The following LIMS2 variants were observed in gnomAD, a reference collection of about 807,000 sequenced individuals.
The protein encoded by LIMS2 is LIM and senescent cell antigen-like-containing domain protein 2.
A neutral mutation model predicts 45.3 loss-of-function variants in LIMS2; 30 were observed. The observed-to-expected ratio is 0.66, with a 90% CI of 0.50 to 0.90. LIMS2 has a LOEUF of 0.90. Among genes scored for constraint, LIMS2 ranks in the 40% least tolerant of loss-of-function variants. LIMS2 has a pLI of 0.00. For missense variants in LIMS2, 485 were observed against 468.7 expected, an observed-to-expected ratio of 1.03 and a Z score of -0.32; for synonymous variants, 173 against 188.0, an observed-to-expected ratio of 0.92 and a Z score of 0.65.
chr2:127,662,958 A>T (rs1684774858), intron 1 of LIMS2, among the ~76,000 whole-genome samples: 2 of 152,206 alleles, frequency 1.3e-5, no homozygotes, highest in African/African-American at 4.8e-5. Context: ...CTTTTCTTTT[A>T]AGCAGGTACA....
chr2:127,679,232 G>T (rs961929820), upstream of LIMS2, among the ~76,000 whole-genome samples: 5 of 152,154 alleles, frequency 3.3e-5, no homozygotes, highest in Admixed American at 6.5e-5. This position sits in a 1 kb window ranked among gnomAD's most constrained non-coding sequence, Gnocchi z 5.3. Flanking sequence ...CCTCCCTGGG[G>T]TCTGTGTAGA....
chr2:127,679,757 G>C (rs6722130), upstream of LIMS2, among the ~76,000 whole-genome samples: 11 of 152,192 alleles, frequency 7.2e-5, no homozygotes, highest in African/African-American at 2.6e-4. This position sits in a 1 kb window ranked among gnomAD's most constrained non-coding sequence, Gnocchi z 5.3. Flanking sequence ...GGAGAACCCG[G>C]GGTCTCAAAG....
In LIMS2 at chr2:127,649,959, CCTGATACCCAGGCA is replaced by C. The variant is rs1260806937; in HGVS notation, c.359+4451_359+4464del. The C allele has an allele frequency of 4.1e-6, 6 of 1,478,258 alleles. No individual in the cohort carries two copies. In the African/African-American group the frequency reaches 7.0e-5, roughly 17 times the overall value. 91.6% of individuals were successfully genotyped at this position (1,478,258 alleles called of 1,614,324 possible). ...TGGGAGAGAAAATACTCCCAGCTGG[CCTGATACCCAGGCA>C]CAGGCTTCTCCTAAACACAGGTCTC... On this transcript the variant is annotated intron_variant, in intron 4 of 9. Transcript: ENST00000355119.
chr2:127,675,664 G>A (rs551556213), upstream of LIMS2, among the ~76,000 whole-genome samples: 98 of 152,256 alleles, frequency 6.4e-4, no homozygotes, highest in African/African-American at 2.2e-3. Context: ...CGCCCCAACC[G>A]CAAACGCGTG....
intron 4 of LIMS2, chr2:127,651,072 C>T: frequency 6.2e-7 from 1 of 1,613,794 alleles, no homozygotes; most frequent in Non-Finnish European, 8.5e-7. Context: ...CCTCTTCTAC[C>T]TCAACATGTA....
chr2:127,647,915 A>G lies in LIMS2; in HGVS notation c.360-4843T>C. The G allele has an allele frequency of 1.6e-6, 1 of 643,338 alleles. No homozygotes were observed. The highest frequency in any genetic ancestry group is 1.9e-6 in the Non-Finnish European group (1 of 516,958). The allele number at this position is 643,338 out of a possible 1,614,324, so 39.9% of individuals were successfully genotyped here. A position where few individuals can be genotyped will look rare whatever the true frequency, so the allele number is the denominator to read the frequency against. On this transcript the variant is annotated intron_variant, in intron 4 of 9. Coordinates refer to ENST00000355119, the MANE Select transcript of LIMS2 (RefSeq NM_001161403.3). The surrounding 1 kb of genome is among the most constrained non-coding windows in gnomAD (Gnocchi z 4.3). The stretch of plus-strand genomic sequence containing the variant: ...TGCTCCCTGTTCTCCCCTGCCTCAC[A>G]GGCCCTGTCAAGGGCTGTGTTCCTC...
At position 127,656,659 on chromosome 2, in the gene LIMS2, T is replaced by C. The variant is rs189188754; in HGVS notation, c.171+744A>G. Among the ~76,000 whole-genome samples the C allele has an allele frequency of 9.2e-5, 14 of 152,200 alleles. No homozygotes were observed. In the East Asian group the frequency reaches 2.3e-3, roughly 25 times the overall value. On this transcript the variant is annotated intron_variant, in intron 2 of 9. Coordinates refer to ENST00000355119, the MANE Select transcript of LIMS2 (RefSeq NM_001161403.3). ...TGAACTCCTGACCTCAGGTGATCCA[T>C]CTGCCTCCGCCTCCCAAAGTGCTGG...
chr2:127,668,709 A>AAAC, intron 1 of LIMS2, among the ~76,000 whole-genome samples: 1 of 133,398 alleles, frequency 7.5e-6, no homozygotes, highest in African/African-American at 3.1e-5. Flanking sequence ...AAAAAAAAAA[A>AAAC]AACACCTTAC....
chr2:127,660,304 C>T (rs1349155213), intron 1 of LIMS2, among the ~76,000 whole-genome samples: 1 of 152,222 alleles, frequency 6.6e-6, no homozygotes, highest in Non-Finnish European at 1.5e-5. Context: ...CTCGAACCCA[C>T]AGCAGCAACC....
At chr2:127,677,556 G>A (rs562542196), upstream of LIMS2, among the ~76,000 whole-genome samples, 10 of 152,240 alleles carry the variant, frequency 6.6e-5, no homozygotes, top group East Asian at 1.4e-3. The surrounding 1 kb of genome is among the most constrained non-coding windows in gnomAD (Gnocchi z 5.0). Flanking sequence ...CTTGGGGTAC[G>A]CAAGGTCAGA....
At chr2:127,679,850 C>A (rs1685578886), upstream of LIMS2, among the ~76,000 whole-genome samples, 2 of 152,208 alleles carry the variant, frequency 1.3e-5, no homozygotes, top group South Asian at 4.1e-4. The surrounding 1 kb of genome is among the most constrained non-coding windows in gnomAD (Gnocchi z 5.3). Flanking sequence ...CCTTGCAGCT[C>A]TCAGGAGGCC....
At chr2:127,639,902 C>T (rs1449631565) in intron 9 of LIMS2, among the ~76,000 whole-genome samples, 168 bp downstream of exon 9, 1 of 152,144 alleles carries the variant, frequency 6.6e-6, no homozygotes, top group Non-Finnish European at 1.5e-5. Flanking sequence ...ATCCCCTAGA[C>T]CCCCTGAACC....
In LIMS2 at chr2:127,672,347, C is replaced by T. The variant is rs919508789; in HGVS notation, c.11+2667G>A. On this transcript the variant is annotated intron_variant, in intron 1 of 9. Transcript: ENST00000355119. The surrounding 1 kb of genome is among the most constrained non-coding windows in gnomAD (Gnocchi z 4.9). ...GGCCGAGCCCCCTCTCTTCCCACGG[C>T]GTGCCACCCCATGCTCTGGGCTGCC... Among the ~76,000 whole-genome samples the T allele has an allele frequency of 2.0e-5, 3 of 152,156 alleles. No homozygotes were observed. The highest frequency in any genetic ancestry group is 4.8e-5 in the African/African-American group (2 of 41,418).
rs1682080113 is a variant in LIMS2, at chr2:127,638,614, G to A, written c.*667C>T. On this transcript the variant is annotated 3_prime_UTR_variant, in exon 10 of 10. Transcript: ENST00000355119. ...CACAAGCCCCAAGGTCGGGGGGAGAGGGGCGGGGCGGAACCGAGGGCGGAG... is the reference window on the plus strand; with the variant it reads ...CACAAGCCCCAAGGTCGGGGGGAGAAGGGCGGGGCGGAACCGAGGGCGGAG... 1 of 152,780 alleles carries A rather than the reference G, an allele frequency of 6.5e-6. No homozygotes were observed. Among genetic ancestry groups the A allele is most frequent in the Admixed American group, 6.5e-5 (1 of 15,294 alleles). The allele number at this position is 152,780 out of a possible 1,614,324, so 9.5% of individuals were successfully genotyped here.
chr2:127,677,164 G>A (rs1421393483), upstream of LIMS2, among the ~76,000 whole-genome samples: 1 of 152,176 alleles, frequency 6.6e-6, no homozygotes, highest in Non-Finnish European at 1.5e-5. The surrounding 1 kb of genome is among the most constrained non-coding windows in gnomAD (Gnocchi z 5.0). Context: ...TCAGCCAAGA[G>A]GGCAGAGTTG....
chr2:127,640,458 C>A, intron 7 of LIMS2, 140 bp from the exon 8 acceptor site: 1 of 929,294 alleles, frequency 1.1e-6, no homozygotes, highest in Non-Finnish European at 1.7e-6. Context: ...AGCTGCAAGG[C>A]TGGGTTGAGG....
chr2:127,651,356 C>G, intron 4 of LIMS2: 9 of 1,612,292 alleles, frequency 5.6e-6, no homozygotes, highest in Non-Finnish European at 7.6e-6. Flanking sequence ...CGTTCATCAC[C>G]ACGGTCACCT....
intron 4 of LIMS2, among the ~76,000 whole-genome samples, chr2:127,644,498 G>A (rs112419452): frequency 2.0e-5 from 3 of 152,322 alleles, no homozygotes; most frequent in African/African-American, 7.2e-5. Flanking sequence ...CTGGGGCTGA[G>A]CTGCCCCACC....
intron 7 of LIMS2, 171 bp from the exon 8 acceptor site, chr2:127,640,489 C>G (rs1237284231): frequency 2.3e-5 from 16 of 690,404 alleles, no homozygotes; most frequent in Non-Finnish European, 3.8e-5. Context: ...CCATGAGAAC[C>G]ACCCTTCCGG....
Sources: allele counts gnomAD v4.1 joint callset (sites outside exome capture counted in the v4.1 genomes callset), GRCh38; gene constraint gnomAD v4.1.1; non-coding constraint Gnocchi (gnomAD v3.1); transcripts MANE v1.5; gene names NCBI Gene and HGNC (gene_info 2026-07-23, HGNC 2026-07-21).